The following CCDC102B variants were observed in gnomAD, a reference collection of about 807,000 sequenced individuals.
The protein encoded by CCDC102B is coiled-coil domain containing 102B, also known as coiled-coil domain-containing protein 102B.
A neutral mutation model predicts 57.4 loss-of-function variants in CCDC102B; 75 were observed. The observed-to-expected ratio is 1.31, with a 90% confidence interval of 1.08 to 1.58. The LOEUF (loss-of-function observed/expected upper bound fraction) is 1.58. Ranked by LOEUF, CCDC102B falls within the 40% of genes most tolerant of loss-of-function variation. CCDC102B has a pLI of 0.00. For missense variants in CCDC102B, 636 were observed against 582.6 expected (o/e 1.09, Z -0.94); for synonymous variants, 206 against 201.9 (o/e 1.02, Z -0.17).
chr18:69,012,959 C>G (rs957106088), intron 7 of CCDC102B, among the ~76,000 whole-genome samples: 3 of 151,936 alleles, frequency 2.0e-5, no homozygotes, highest in African/African-American at 4.8e-5. Flanking sequence ...AAACAATATG[C>G]AGATTTTTCA....
chr18:68,875,873 TTCCTCCTCA>T (rs1454970420), intron 5 of CCDC102B, among the ~76,000 whole-genome samples: 4 of 152,292 alleles, frequency 2.6e-5, no homozygotes, highest in African/African-American at 9.6e-5. Context: ...CCTCCCTGTG[TTCCTCCTCA>T]TCACATCAAT....
intron 2 of CCDC102B, among the ~76,000 whole-genome samples, chr18:68,743,806 A>G (rs1291359810): frequency 1.3e-5 from 2 of 152,306 alleles, no homozygotes; most frequent in East Asian, 3.9e-4. Context: ...AAGAACTTCA[A>G]GTCTGTCTGA....
At chr18:68,801,290 G>A (rs548114947) in intron 1 of CCDC102B, among the ~76,000 whole-genome samples, 2 of 152,188 alleles carry the variant, frequency 1.3e-5, no homozygotes, top group South Asian at 2.1e-4. Context: ...AATTGTAGAT[G>A]CTCAATGGAG....
At chr18:68,924,046 G>T (rs745624870) in intron 6 of CCDC102B, among the ~76,000 whole-genome samples, 19 of 151,970 alleles carry the variant, frequency 1.3e-4, no homozygotes, top group Admixed American at 1.3e-4. Context: ...TAAAGTTTCT[G>T]AACTGCCTAT....
Position 68,837,378 on chromosome 18 carries a change from A to T in CCDC102B, c.606+9A>T. 6.3e-7 allele frequency: 1 copy of T among 1,597,364 alleles called. No homozygotes were observed. Among genetic ancestry groups the T allele is most frequent in the Non-Finnish European group, 8.5e-7 (1 of 1,172,490 alleles). On this transcript the variant is annotated intron_variant, in intron 2 of 7. Coordinates refer to ENST00000360242, the MANE Select transcript of CCDC102B (RefSeq NM_024781.3). ...AGGACACAAATAATAAGGTAAGAAA[A>T]AAATCCAGAGATGATGTGAATTTCT...
At chr18:68,907,639 G>A (rs1406397897) in intron 6 of CCDC102B, among the ~76,000 whole-genome samples, 1 of 152,066 alleles carries the variant, frequency 6.6e-6, no homozygotes, top group African/African-American at 2.4e-5. Context: ...TGTTCATTTT[G>A]TTTCCTGCAA....
intron 2 of CCDC102B, among the ~76,000 whole-genome samples, chr18:68,716,939 G>A (rs956358440): frequency 1.3e-5 from 2 of 151,880 alleles, no homozygotes; most frequent in East Asian, 1.9e-4. Context: ...TTAGCTGGGC[G>A]TGGTGGCAGA....
At chr18:69,013,361 A>G (rs1369880628) in intron 7 of CCDC102B, among the ~76,000 whole-genome samples, 1 of 152,156 alleles carries the variant, frequency 6.6e-6, no homozygotes, top group African/African-American at 2.4e-5. Flanking sequence ...ATGACAGACA[A>G]TGGCGACTCG....
chr18:68,825,379 A>C (rs1173488832), intron 1 of CCDC102B, among the ~76,000 whole-genome samples: 1 of 152,176 alleles, frequency 6.6e-6, no homozygotes, highest in Non-Finnish European at 1.5e-5. Context: ...GTAAAACAAT[A>C]TTTGGATTTT....
chr18:68,795,655 A>G (rs1027787304), upstream of CCDC102B, among the ~76,000 whole-genome samples: 3 of 152,100 alleles, frequency 2.0e-5, no homozygotes, highest in African/African-American at 7.2e-5. Context: ...CCCTCTTCTT[A>G]TGAGGATACA....
chr18:69,039,964 A>T (rs2052389447), intron 7 of CCDC102B, among the ~76,000 whole-genome samples: 1 of 151,942 alleles, frequency 6.6e-6, no homozygotes, highest in East Asian at 1.9e-4. Flanking sequence ...CAAATACTGA[A>T]TGAGCCACAC....
intron 6 of CCDC102B, among the ~76,000 whole-genome samples, chr18:68,958,089 T>C (rs2049953670): frequency 6.6e-6 from 1 of 152,070 alleles, no homozygotes; most frequent in Non-Finnish European, 1.5e-5. Flanking sequence ...AGAGAGCTAG[T>C]GCAGGCAAAC....
At chr18:69,045,156 C>T (rs1030041419) in intron 7 of CCDC102B, among the ~76,000 whole-genome samples, 1 of 151,930 alleles carries the variant, frequency 6.6e-6, no homozygotes, top group Non-Finnish European at 1.5e-5. Context: ...TTTAATGCTT[C>T]AATATGTGAA....
chr18:68,776,476 A>G (rs1254771332), intron 2 of CCDC102B, among the ~76,000 whole-genome samples: 1 of 152,216 alleles, frequency 6.6e-6, no homozygotes, highest in East Asian at 1.9e-4. Flanking sequence ...ACGGAATACC[A>G]TGCAGCCACA....
intron 2 of CCDC102B, among the ~76,000 whole-genome samples, chr18:68,727,951 C>T (rs2032675846): frequency 6.6e-6 from 1 of 152,212 alleles, no homozygotes; most frequent in Non-Finnish European, 1.5e-5. Context: ...AAAGATACCC[C>T]TGTCTCAGAT....
chr18:68,970,736 TCCTTTTCAAA>T (rs895579238), intron 6 of CCDC102B, among the ~76,000 whole-genome samples: 1 of 152,014 alleles, frequency 6.6e-6, no homozygotes, highest in Non-Finnish European at 1.5e-5. Context: ...GCTTTATCAA[TCCTTTTCAAA>T]TAACATCGTC....
intron 6 of CCDC102B, among the ~76,000 whole-genome samples, chr18:68,923,831 T>C (rs2041375265): frequency 6.6e-6 from 1 of 152,062 alleles, no homozygotes; most frequent in Admixed American, 6.6e-5. Flanking sequence ...TTAGCCTGCA[T>C]TTGCAGCTAA....
At chr18:68,885,442 A>G (rs926645820) in intron 5 of CCDC102B, among the ~76,000 whole-genome samples, 9 of 152,066 alleles carry the variant, frequency 5.9e-5, no homozygotes, top group African/African-American at 1.9e-4. Context: ...AGCAAAGTTC[A>G]TTTCATTAAA....
chr18:68,894,676 C>T (rs1291154276), intron 5 of CCDC102B, among the ~76,000 whole-genome samples: 4 of 151,810 alleles, frequency 2.6e-5, no homozygotes, highest in South Asian at 4.2e-4. Context: ...AAAACTAAAA[C>T]TTCTTATAAT....
Sources: allele counts gnomAD v4.1 joint callset (sites outside exome capture counted in the v4.1 genomes callset), GRCh38; gene constraint gnomAD v4.1.1; transcripts MANE v1.5; gene names NCBI Gene and HGNC (gene_info 2026-07-23, HGNC 2026-07-21).